ZNF407: variants seen among roughly 807,000 people sequenced by gnomAD.
ZNF407 encodes the protein zinc finger protein 407.
ZNF407 carries 17 observed loss-of-function variants against 131.2 expected under a neutral mutation model. The ratio of observed to expected loss-of-function variants is 0.13; its 90% CI spans 0.09 to 0.19. The LOEUF (loss-of-function observed/expected upper bound fraction) is 0.19, where lower values mean the gene tolerates loss of function less well. ZNF407 is among the 10% of genes least tolerant of loss of function. ZNF407 has a pLI of 1.00. For missense variants in ZNF407, 2,681 were observed against 2,830.6 expected, an observed-to-expected ratio of 0.95 and a Z score of 1.20; for synonymous variants, 1,156 against 1,062.0, an observed-to-expected ratio of 1.09 and a Z score of -1.72.
rs576140353 is a variant in ZNF407, at chr18:74,755,035, G to A, written c.4803-26393G>A. On this transcript the variant is annotated intron_variant, in intron 3 of 8. Transcript: ENST00000299687. ...TTGCTTTAGGAATCTGGGTGCTCCT[G>A]TATTGGGTGTATATATATTTAGGAT... 3.0e-3 allele frequency among the ~76,000 whole-genome samples: 454 copies of A among 152,252 alleles called. 1 individual carries two copies. Among genetic ancestry groups the A allele is most frequent in the Non-Finnish European group, 5.0e-3 (343 of 68,020 alleles).
intron 7 of ZNF407, among the ~76,000 whole-genome samples, chr18:74,904,103 T>G (rs1262038738): frequency 6.6e-6 from 1 of 152,204 alleles, no homozygotes; most frequent in Admixed American, 6.5e-5. Flanking sequence ...TTATTTCTAT[T>G]TCATTGAAGG....
Position 74,643,155 on chromosome 18 carries a change from G to T in ZNF407, c.4802+2033G>T, listed in dbSNP as rs190692710. On this transcript the variant is annotated intron_variant, in intron 3 of 8. Coordinates refer to ENST00000299687, the MANE Select transcript of ZNF407 (RefSeq NM_017757.3). ...ATTAAAGTAAAAAACATAAAAAAGT[G>T]CAAGGATTGGTTATCAGATTACTGG... 4.0e-3 allele frequency among the ~76,000 whole-genome samples: 615 copies of T among 152,188 alleles called. 6 individuals carry two copies. Among genetic ancestry groups the T allele is most frequent in the African/African-American group, 0.014 (598 of 41,568 alleles).
At chr18:74,676,610 A>ATT (rs1344091044) in intron 3 of ZNF407, among the ~76,000 whole-genome samples, 3 of 136,982 alleles carry the variant, frequency 2.2e-5, no homozygotes, top group East Asian at 2.6e-4. Context: ...GTAATTTTGT[A>ATT]TTTTTAGTAG....
chr18:75,011,386 T>A (rs928263934), intron 8 of ZNF407, among the ~76,000 whole-genome samples: 2 of 152,204 alleles, frequency 1.3e-5, no homozygotes, highest in African/African-American at 4.8e-5. Context: ...GATACAGATA[T>A]AATTTTTCAT....
intron 8 of ZNF407, among the ~76,000 whole-genome samples, chr18:74,967,514 G>C (rs1162218020): frequency 6.6e-6 from 1 of 151,992 alleles, no homozygotes; most frequent in Admixed American, 6.5e-5. Flanking sequence ...TTTTCTTTCT[G>C]TCTTGCCTCT....
chr18:74,686,333 C>A lies in ZNF407; in HGVS notation c.4802+45211C>A, dbSNP rs17055410. On this transcript the variant is annotated intron_variant, in intron 3 of 8. Transcript: ENST00000299687. ...TCTTTTCCATGTTTCCCAGTTCACA[C>A]AAATGCATCATCTACTTCATAACCC... 2.4e-3 allele frequency among the ~76,000 whole-genome samples: 369 copies of A among 152,340 alleles called. 1 individual carries two copies. The highest frequency in any genetic ancestry group is 8.3e-3 in the African/African-American group (344 of 41,576).
chr18:75,052,742 C>T (rs1973516512), intron 8 of ZNF407, among the ~76,000 whole-genome samples: 1 of 152,182 alleles, frequency 6.6e-6, no homozygotes, highest in Admixed American at 6.5e-5. Context: ...CGTCACCATT[C>T]CCACACAAAG....
At chr18:74,750,575 T>C (rs1968777583) in intron 3 of ZNF407, among the ~76,000 whole-genome samples, 1 of 152,212 alleles carries the variant, frequency 6.6e-6, no homozygotes. Flanking sequence ...TAATACTGCA[T>C]TGTGTGGACC....
chr18:74,625,483 T>G (rs1983748222), intron 1 of ZNF407, among the ~76,000 whole-genome samples: 1 of 152,162 alleles, frequency 6.6e-6, no homozygotes, highest in African/African-American at 2.4e-5. Flanking sequence ...ACTGCAGCAG[T>G]GTTTGCAGAT....
At chr18:74,629,483 T>C (rs192516842) in intron 1 of ZNF407, among the ~76,000 whole-genome samples, 123 of 152,316 alleles carry the variant, frequency 8.1e-4, no homozygotes, top group African/African-American at 2.9e-3. Flanking sequence ...GTGTTCCCAT[T>C]CTGTGGGCTC....
At position 74,634,681 on chromosome 18, in the gene ZNF407, A is replaced by G. The variant is rs1984348321; in HGVS notation, c.3662A>G (p.Asn1221Ser). 2.5e-6 allele frequency: 4 copies of G among 1,614,040 alleles called. No individual in the cohort carries two copies. The East Asian group carries it at 6.7e-5, about 27-fold the overall frequency. The change falls in exon 2 of 9, where the codon AAT becomes AGT. Residue 1221 changes from asparagine (N) to serine (S), a missense_variant. Asn to Ser is a conservative substitution (Grantham distance 46, BLOSUM62 1). Coordinates refer to ENST00000299687, the MANE Select transcript of ZNF407 (RefSeq NM_017757.3). The stretch of plus-strand genomic sequence containing the variant: ...GCAAAGAAAAACCATGAGATATCGA[A>G]TGATGCAGGTGAGCTGCGTGTCCAT... Reference protein sequence around the residue: ...ETAKKNHEISNDAGELRVHCE... With the variant: ...ETAKKNHEISSDAGELRVHCE...
At chr18:74,627,278 A>G (rs1339708302) in intron 1 of ZNF407, among the ~76,000 whole-genome samples, 1 of 152,166 alleles carries the variant, frequency 6.6e-6, no homozygotes, top group Non-Finnish European at 1.5e-5. Flanking sequence ...CTCATCTCTT[A>G]CAGTGTAAGC....
intron 3 of ZNF407, among the ~76,000 whole-genome samples, chr18:74,771,440 C>A (rs1259510690): frequency 6.6e-6 from 1 of 151,950 alleles, no homozygotes; most frequent in Admixed American, 6.5e-5. Flanking sequence ...AAAATTCTTT[C>A]CTGAAGTCTT....
intron 4 of ZNF407, among the ~76,000 whole-genome samples, chr18:74,838,142 C>T (rs1419712780): frequency 6.6e-6 from 1 of 152,154 alleles, no homozygotes; most frequent in African/African-American, 2.4e-5. Flanking sequence ...CAGGTATATT[C>T]CAGCTCTTGT....
At chr18:74,644,347 A>G (rs1984868975) in intron 3 of ZNF407, among the ~76,000 whole-genome samples, 1 of 151,808 alleles carries the variant, frequency 6.6e-6, no homozygotes, top group South Asian at 2.1e-4. Flanking sequence ...TGAGAGAGAA[A>G]GTAAGAAATA....
chr18:75,007,298 C>CT (rs1972922322), intron 8 of ZNF407, among the ~76,000 whole-genome samples: 1 of 151,880 alleles, frequency 6.6e-6, no homozygotes, highest in Non-Finnish European at 1.5e-5. Context: ...CTCATTCCAT[C>CT]TTTTTTCTTC....
intron 4 of ZNF407, among the ~76,000 whole-genome samples, chr18:74,821,719 C>T (rs952364384): frequency 1.3e-5 from 2 of 152,034 alleles, no homozygotes; most frequent in Non-Finnish European, 2.9e-5. Context: ...TGAATAGTGC[C>T]GCAATAAACA....
rs141175790 is a variant in ZNF407 at position 75,012,988 on chromosome 18, C to T, written c.5429-50162C>T. ...AAAAGGGTTTGTAGGAGGCACATAA[C>T]GTGTGTCACTATGATAACAGACGTA... On this transcript the variant is annotated intron_variant, in intron 8 of 8. Coordinates refer to ENST00000299687, the MANE Select transcript of ZNF407 (RefSeq NM_017757.3). Among the ~76,000 whole-genome samples, 45 of 149,040 alleles carry T rather than the reference C, an allele frequency of 3.0e-4. No individual in the cohort carries two copies. In the East Asian group the frequency reaches 8.2e-3, roughly 27 times the overall value.
intron 8 of ZNF407, among the ~76,000 whole-genome samples, chr18:74,954,965 G>A (rs1310696193): frequency 6.6e-6 from 1 of 152,228 alleles, no homozygotes; most frequent in East Asian, 1.9e-4. Context: ...TAAAGGTGTT[G>A]TTATATGTTA....
Sources: gnomAD v4.1 joint callset for allele counts (sites outside exome capture counted in the v4.1 genomes callset) on GRCh38, gnomAD v4.1.1 for gene constraint, MANE v1.5 for transcripts, NCBI Gene and HGNC (gene_info 2026-07-23, HGNC 2026-07-21) for gene names.